Variants in KATNBL1 observed in about 807,000 individuals in gnomAD.
KATNBL1 encodes KATNB1-like protein 1.
In KATNBL1, 28 loss-of-function variants were observed where a neutral mutation model predicts 44.7. That is an observed-to-expected ratio of 0.63 (90% CI 0.46 to 0.86). KATNBL1 has a LOEUF of 0.86. Ranked by LOEUF, KATNBL1 falls within the 40% of genes least tolerant of loss-of-function variation. The pLI is 0.00. For synonymous variants in KATNBL1, 78 were observed against 114.9 expected, an observed-to-expected ratio of 0.68 and a Z score of 2.06; for missense variants, 272 against 350.7, an observed-to-expected ratio of 0.78 and a Z score of 1.79.
chr15:34,158,377 T>C (rs886372443), intron 2 of KATNBL1, among the ~76,000 whole-genome samples: 2 of 152,196 alleles, frequency 1.3e-5, no homozygotes, highest in African/African-American at 4.8e-5. Context: ...GGAAAGAAGA[T>C]GGGAACTGCA....
At chr15:34,181,503 AT>A (rs1477928758) in intron 1 of KATNBL1, among the ~76,000 whole-genome samples, 1 of 149,930 alleles carries the variant, frequency 6.7e-6, no homozygotes, top group African/African-American at 2.4e-5. Flanking sequence ...TTAATAATTA[AT>A]TTTTTAAATT....
chr15:34,143,010 CTCT>C lies in KATNBL1; in HGVS notation c.883-642_883-640del. On this transcript the variant is annotated intron_variant, in intron 9 of 9. Coordinates refer to ENST00000256544, the MANE Select transcript of KATNBL1 (RefSeq NM_024713.3). ...CAGGCATGAGCCACCTTGCCCGGCC[CTCT>C]TCTTTCAATTTCTATACTCAAAAAA... 3 of 1,231,354 alleles carry C rather than the reference CTCT, an allele frequency of 2.4e-6. No homozygotes were observed. In the Admixed American group the frequency reaches 7.0e-5, roughly 29 times the overall value. 76.3% of individuals were successfully genotyped at this position (1,231,354 alleles called of 1,614,324 possible).
At chr15:34,172,760 GACACACAC>G (rs34182114) in intron 1 of KATNBL1, among the ~76,000 whole-genome samples, 14,952 of 146,464 alleles carry the variant, frequency 0.1, 798 homozygotes, top group South Asian at 0.13. Flanking sequence ...CACAGACACA[GACACACAC>G]ACACACACAC....
chr15:34,187,555 T>C (rs1019387816), intron 1 of KATNBL1, among the ~76,000 whole-genome samples: 1 of 152,114 alleles, frequency 6.6e-6, no homozygotes, highest in Non-Finnish European at 1.5e-5. Flanking sequence ...TGAAATACAA[T>C]ATTTCTCTCT....
At position 34,156,972 on chromosome 15, in the gene KATNBL1, G is replaced by A. The variant is rs909724008; in HGVS notation, c.118-2288C>T. Among the ~76,000 whole-genome samples the A allele has an allele frequency of 3.3e-5, 5 of 152,308 alleles. No individual in the cohort carries two copies. In the South Asian group the frequency reaches 6.2e-4, roughly 19 times the overall value. ...TAAAAGCTTTGTATTGGGAAGGCAA[G>A]ACTCTCAGTTTATACTGGAATCTCC... On this transcript the variant is annotated intron_variant, in intron 2 of 9. Transcript: ENST00000256544.
chr15:34,200,621 C>T (rs1042669695), intron 1 of KATNBL1, among the ~76,000 whole-genome samples: 11 of 152,022 alleles, frequency 7.2e-5, no homozygotes, highest in African/African-American at 2.4e-4. Flanking sequence ...ACGTCAAACT[C>T]GGGAAAGCAG....
chr15:34,189,182 G>C (rs562517705), intron 1 of KATNBL1, among the ~76,000 whole-genome samples: 1 of 152,166 alleles, frequency 6.6e-6, no homozygotes, highest in African/African-American at 2.4e-5. Context: ...GCGCCACCAC[G>C]CCCAGCTAAT....
chr15:34,206,360 C>G (rs1315537507), intron 1 of KATNBL1, among the ~76,000 whole-genome samples: 1 of 152,198 alleles, frequency 6.6e-6, no homozygotes, highest in African/African-American at 2.4e-5. Flanking sequence ...TCTCTCATTT[C>G]TACCCTCATT....
In KATNBL1 at chr15:34,141,138, G is replaced by A. The variant is rs1888140419; in HGVS notation, c.*1201C>T. On this transcript the variant is annotated 3_prime_UTR_variant, in exon 10 of 10. Coordinates refer to ENST00000256544, the MANE Select transcript of KATNBL1 (RefSeq NM_024713.3). ...TAAACCCCAATCATTTTCAAGACAA[G>A]TAAGATTTAGAGCTGTTAAGACATT... 6.6e-6 allele frequency: 1 copy of A among 152,444 alleles called. No homozygotes were observed. Among genetic ancestry groups the A allele is most frequent in the Non-Finnish European group, 1.5e-5 (1 of 67,996 alleles). 9.4% of individuals were successfully genotyped at this position (152,444 alleles called of 1,614,324 possible). A position where few individuals can be genotyped will look rare whatever the true frequency, so the allele number is the denominator to read the frequency against.
intron 1 of KATNBL1, chr15:34,209,250 AT>A (rs1243548821): frequency 6.6e-6 from 1 of 152,218 alleles, no homozygotes; most frequent in Middle Eastern, 3.2e-3. Flanking sequence ...TGAACTGATG[AT>A]TATTACACAC....
At chr15:34,190,548 T>C (rs950820445) in intron 1 of KATNBL1, among the ~76,000 whole-genome samples, 1 of 152,192 alleles carries the variant, frequency 6.6e-6, no homozygotes, top group African/African-American at 2.4e-5. Context: ...TCCAGAGCTT[T>C]CCACATTTCC....
chr15:34,195,563 A>G (rs79579233), intron 1 of KATNBL1, among the ~76,000 whole-genome samples: 10,216 of 152,010 alleles, frequency 0.067, 387 homozygotes, highest in Middle Eastern at 0.11. Context: ...TTGCACTTGT[A>G]TCCTATAATC....
At chr15:34,201,629 A>G (rs1184236157) in intron 1 of KATNBL1, among the ~76,000 whole-genome samples, 1 of 152,214 alleles carries the variant, frequency 6.6e-6, no homozygotes, top group African/African-American at 2.4e-5. Context: ...TTATTCTAGC[A>G]TGTTTTGGTG....
intron 1 of KATNBL1, among the ~76,000 whole-genome samples, chr15:34,177,051 C>A (rs1319538908): frequency 9.4e-6 from 1 of 106,560 alleles, no homozygotes; most frequent in African/African-American, 3.3e-5. Flanking sequence ...ATTATCATTG[C>A]CTTTTAATGA....
chr15:34,144,009 C>G (rs1888236084), intron 9 of KATNBL1, among the ~76,000 whole-genome samples: 1 of 149,752 alleles, frequency 6.7e-6, no homozygotes, highest in Non-Finnish European at 1.5e-5. Flanking sequence ...GAGTAAAATC[C>G]CACACAGTGG....
chr15:34,180,837 AG>A (rs957604876), intron 1 of KATNBL1, among the ~76,000 whole-genome samples: 2 of 151,992 alleles, frequency 1.3e-5, no homozygotes, highest in African/African-American at 4.8e-5. Flanking sequence ...CTGAGGCGGG[AG>A]GGTCACTTGA....
At chr15:34,156,366 A>T (rs551471929) in intron 2 of KATNBL1, among the ~76,000 whole-genome samples, 15 of 152,332 alleles carry the variant, frequency 9.8e-5, no homozygotes, top group African/African-American at 3.1e-4. Flanking sequence ...AAGAGCTACC[A>T]TACAGCCCAT....
intron 1 of KATNBL1, chr15:34,198,288 C>T (rs1168545510): frequency 6.6e-6 from 1 of 152,144 alleles, no homozygotes; most frequent in Non-Finnish European, 1.5e-5. Context: ...CTTAAACTTC[C>T]CAATCTTTCC....
chr15:34,188,136 G>GGAAAAAAAAAAAAAAAAAA (rs1394136257), intron 1 of KATNBL1, among the ~76,000 whole-genome samples: 1 of 6,578 alleles, frequency 1.5e-4, no homozygotes, highest in African/African-American at 2.9e-4. Context: ...AAGACGCCAT[G>GGAAAAAAAAAAAAAAAAAA]TAAAAAAAAA....
Sources: allele counts gnomAD v4.1 joint callset (sites outside exome capture counted in the v4.1 genomes callset), GRCh38; gene constraint gnomAD v4.1.1; transcripts MANE v1.5; gene names NCBI Gene and HGNC (gene_info 2026-07-23, HGNC 2026-07-21).